ACAA2: variants seen among roughly 807,000 people sequenced by gnomAD.
ACAA2 encodes acetyl-CoA acyltransferase 2.
A neutral mutation model predicts 44.8 loss-of-function variants in ACAA2; 35 were observed. The observed-to-expected ratio is 0.78, with a 90% CI of 0.60 to 1.04. The LOEUF (loss-of-function observed/expected upper bound fraction) is 1.04. Ranked by LOEUF, ACAA2 falls within the 50% of genes least tolerant of loss-of-function variation. The probability of loss-of-function intolerance (pLI) is 0.00; values close to 1 mark genes in which losing one functional copy is unlikely to be tolerated. For synonymous variants in ACAA2, 142 were observed against 166.5 expected, an observed-to-expected ratio of 0.85 and a Z score of 1.13; for missense variants, 468 against 482.6, an observed-to-expected ratio of 0.97 and a Z score of 0.28.
intron 9 of ACAA2, among the ~76,000 whole-genome samples, chr18:49,784,775 C>G (rs979617740): frequency 6.6e-6 from 1 of 152,090 alleles, no homozygotes; most frequent in African/African-American, 2.4e-5. Context: ...AACTTAGACC[C>G]AAATGTCAGT....
chr18:49,802,915 G>A (rs567242280), intron 1 of ACAA2, 62 bp from the exon 2 acceptor site: 10 of 1,545,306 alleles, frequency 6.5e-6, no homozygotes, highest in East Asian at 2.2e-5. Flanking sequence ...TAAATGCTTC[G>A]AATAATCTCA....
At chr18:49,792,116 G>C in intron 6 of ACAA2, 36 bp downstream of exon 6, 1 of 1,570,038 alleles carries the variant, frequency 6.4e-7, no homozygotes, top group Non-Finnish European at 8.7e-7. Context: ...GAACACACCA[G>C]GAAGAATTCA....
intron 4 of ACAA2, among the ~76,000 whole-genome samples, chr18:49,795,071 C>T (rs1336772367): frequency 2.6e-5 from 4 of 152,176 alleles, no homozygotes; most frequent in Admixed American, 2.0e-4. Flanking sequence ...TGGCTAAAAT[C>T]CGCATAGATT....
Position 49,795,747 on chromosome 18 carries a change from A to T in ACAA2, c.429+18T>A, listed in dbSNP as rs746271490. The T allele has an allele frequency of 3.4e-6, 5 of 1,485,360 alleles. No homozygotes were observed. The highest frequency in any genetic ancestry group is 4.6e-6 in the Non-Finnish European group (5 of 1,090,788). 92.0% of individuals were successfully genotyped at this position (1,485,360 alleles called of 1,614,324 possible). On this transcript the variant is annotated intron_variant, in intron 4 of 9. Coordinates refer to ENST00000285093, the MANE Select transcript of ACAA2 (RefSeq NM_006111.3). ...ATGCTAATAAGAACTAATTCTTTTA[A>T]ATTTTTATGGTTCCAACCTTGATAT...
At chr18:49,796,352 T>C (rs1348864460) in intron 3 of ACAA2, among the ~76,000 whole-genome samples, 2 of 152,170 alleles carry the variant, frequency 1.3e-5, no homozygotes, top group Non-Finnish European at 2.9e-5. Context: ...TCCAACACTT[T>C]CCACTGTTTG....
At chr18:49,798,852 A>G (rs1368571278) in intron 2 of ACAA2, among the ~76,000 whole-genome samples, 1 of 152,154 alleles carries the variant, frequency 6.6e-6, no homozygotes, top group Non-Finnish European at 1.5e-5. Context: ...CAAATATCAC[A>G]TATCAACAGA....
chr18:49,800,561 C>T (rs2023535083), intron 2 of ACAA2, among the ~76,000 whole-genome samples: 1 of 150,982 alleles, frequency 6.6e-6, no homozygotes, highest in Non-Finnish European at 1.5e-5. Context: ...AAGAAAAATT[C>T]TTCTGCCTTG....
intron 1 of ACAA2, chr18:49,803,064 C>T (rs2023573413): frequency 4.9e-6 from 3 of 618,280 alleles, no homozygotes; most frequent in South Asian, 1.7e-5. Flanking sequence ...CATGCAGGTA[C>T]CAAGAACTGC....
intron 2 of ACAA2, among the ~76,000 whole-genome samples, chr18:49,801,326 C>T (rs569054327): frequency 1.1e-4 from 16 of 152,176 alleles, no homozygotes; most frequent in African/African-American, 3.6e-4. Context: ...GGCACAAACA[C>T]AATGAAACTG....
chr18:49,784,546 G>A (rs2023304598), intron 9 of ACAA2, among the ~76,000 whole-genome samples: 1 of 152,132 alleles, frequency 6.6e-6, no homozygotes. Context: ...TTTCAACTCA[G>A]GGAATCATTA....
rs746812562 is a variant in ACAA2, at chr18:49,795,889, A to AAAAC, written c.313-12_313-9dup. ...TTCTTTAACACAAATTTCCTATTTA[A>AAAAC]AAACAAACAGTAATAAAAACTCCTT... is the stretch of plus-strand genomic sequence containing the variant. On this transcript the variant is annotated splice_polypyrimidine_tract_variant and intron_variant, in intron 3 of 9. Transcript: ENST00000285093. The AAAAC allele has an allele frequency of 7.0e-6, 11 of 1,576,276 alleles. No individual in the cohort carries two copies. Among genetic ancestry groups the AAAAC allele is most frequent in the South Asian group, 1.1e-5 (1 of 88,138 alleles).
intron 2 of ACAA2, 116 bp from the exon 3 acceptor site, chr18:49,797,710 T>C (rs2023481277): frequency 1.3e-6 from 1 of 795,892 alleles, no homozygotes; most frequent in Non-Finnish European, 1.9e-6. Context: ...TATATGGCTC[T>C]AAGGTAGGAC....
chr18:49,793,326 A>C (rs1568586646), intron 5 of ACAA2, among the ~76,000 whole-genome samples: 1 of 152,262 alleles, frequency 6.6e-6, no homozygotes, highest in African/African-American at 2.4e-5. Flanking sequence ...TTGGCAAAAT[A>C]CTTTCCTTAT....
intron 1 of ACAA2, among the ~76,000 whole-genome samples, chr18:49,808,263 T>C (rs772280919): frequency 1.3e-5 from 2 of 152,296 alleles, no homozygotes; most frequent in Non-Finnish European, 2.9e-5. Context: ...GGAATGCAAA[T>C]GGTATGGCCA....
At chr18:49,799,507 T>C (rs192914716) in intron 2 of ACAA2, among the ~76,000 whole-genome samples, 80 of 152,348 alleles carry the variant, frequency 5.3e-4, no homozygotes, top group Middle Eastern at 3.4e-3. Flanking sequence ...GGAGTCTTGT[T>C]CACTCAGTGC....
At chr18:49,798,581 A>C (rs2023491822) in intron 2 of ACAA2, among the ~76,000 whole-genome samples, 1 of 152,052 alleles carries the variant, frequency 6.6e-6, no homozygotes, top group East Asian at 1.9e-4. Context: ...TGGTCTATCA[A>C]GGTACGGGGT....
intron 2 of ACAA2, among the ~76,000 whole-genome samples, chr18:49,797,837 T>C (rs1399861520): frequency 6.6e-6 from 1 of 152,208 alleles, no homozygotes; most frequent in Non-Finnish European, 1.5e-5. Context: ...CATAACAAAA[T>C]GTATCATTGT....
Position 49,787,367 on chromosome 18 carries a change from T to A in ACAA2, c.884-6A>T, listed in dbSNP as rs1268864534. ...ACTGATAGCAGGGACAGGACCTATA[T>A]AATAATAAAAATCTTCTATAAAAAT... is the stretch of plus-strand genomic sequence containing the variant. On this transcript the variant is annotated splice_region_variant and splice_polypyrimidine_tract_variant and intron_variant, in intron 7 of 9. Transcript: ENST00000285093. 7.1e-7 allele frequency: 1 copy of A among 1,406,440 alleles called. No homozygotes were observed. The highest frequency in any genetic ancestry group is 9.3e-7 in the Non-Finnish European group (1 of 1,076,570). The allele number at this position is 1,406,440 out of a possible 1,614,324, so 87.1% of individuals were successfully genotyped here.
chr18:49,784,166 A>G (rs944926845), intron 9 of ACAA2, among the ~76,000 whole-genome samples: 2 of 152,190 alleles, frequency 1.3e-5, no homozygotes, highest in African/African-American at 4.8e-5. Context: ...AGAGGGAGGC[A>G]AACTAAAAAG....
Sources: allele counts gnomAD v4.1 joint callset (sites outside exome capture counted in the v4.1 genomes callset), GRCh38; gene constraint gnomAD v4.1.1; transcripts MANE v1.5; gene names NCBI Gene and HGNC (gene_info 2026-07-23, HGNC 2026-07-21).